Variants in BMP8A observed in about 807,000 individuals in gnomAD.
The protein encoded by BMP8A is bone morphogenetic protein 8a.
Under a neutral mutation model 36.8 loss-of-function variants are expected in BMP8A, and 14 were observed. The observed-to-expected ratio is 0.38, with a 90% CI of 0.25 to 0.60. BMP8A has a LOEUF of 0.60. Ranked by LOEUF, BMP8A falls within the 20% of genes least tolerant of loss-of-function variation. The probability of loss-of-function intolerance (pLI) is 0.63; values close to 1 mark genes in which losing one functional copy is unlikely to be tolerated. For synonymous variants in BMP8A, 120 were observed against 237.7 expected (o/e 0.50, Z 4.55); for missense variants, 267 against 551.1 (o/e 0.48, Z 5.16).
chr1:39,500,243 T>A (rs1472889336), intron 1 of BMP8A, among the ~76,000 whole-genome samples: 5 of 152,234 alleles, frequency 3.3e-5, no homozygotes, highest in Non-Finnish European at 4.4e-5. Context: ...TTTTTTCCCC[T>A]TACTTTCCAG....
chr1:39,501,048 G>A (rs1009346569), intron 1 of BMP8A, among the ~76,000 whole-genome samples: 1 of 152,210 alleles, frequency 6.6e-6, no homozygotes, highest in Non-Finnish European at 1.5e-5. Context: ...TTCAATTCAT[G>A]GCAGAAAGTG....
chr1:39,523,151 G>C, intron 6 of BMP8A, 34 bp downstream of exon 6: 1 of 1,609,302 alleles, frequency 6.2e-7, no homozygotes, highest in South Asian at 1.1e-5. Flanking sequence ...CAGCCCCCTG[G>C]GGTGGGAGGC....
chr1:39,507,968 C>T (rs1016563913), intron 1 of BMP8A, among the ~76,000 whole-genome samples: 1 of 152,184 alleles, frequency 6.6e-6, no homozygotes, highest in Non-Finnish European at 1.5e-5. Flanking sequence ...AAAAAGAAAA[C>T]TAGCCGGGTG....
chr1:39,492,973 A>G (rs1282841498), intron 1 of BMP8A, among the ~76,000 whole-genome samples: 2 of 152,176 alleles, frequency 1.3e-5, no homozygotes, highest in Admixed American at 6.5e-5. Flanking sequence ...AGCTGGACCC[A>G]CTGTGTTCTC....
chr1:39,528,664 G>A lies in BMP8A; in HGVS notation c.*2866G>A, dbSNP rs1028039365. On this transcript the variant is annotated 3_prime_UTR_variant, in exon 7 of 7. Coordinates refer to ENST00000331593, the MANE Select transcript of BMP8A (RefSeq NM_181809.4). Reference sequence around the variant, plus strand: ...CTGTGAAAAGGAGAGGGCAGGTTTTGGAGCCAAGTCGACCTGGCATCAGGT... The same window carrying A: ...CTGTGAAAAGGAGAGGGCAGGTTTTAGAGCCAAGTCGACCTGGCATCAGGT... Among the ~76,000 whole-genome samples the A allele has an allele frequency of 6.6e-6, 1 of 151,348 alleles. No homozygotes were observed. Among genetic ancestry groups the A allele is most frequent in the South Asian group, 2.1e-4 (1 of 4,784 alleles).
intron 1 of BMP8A, among the ~76,000 whole-genome samples, chr1:39,507,571 G>T (rs1276145224): frequency 1.3e-5 from 2 of 152,190 alleles, no homozygotes; most frequent in African/African-American, 4.8e-5. Context: ...GAACATGGGA[G>T]GAGATTGTAT....
rs529048091 is a variant in BMP8A, at chr1:39,526,352, T to C, written c.*554T>C. On this transcript the variant is annotated 3_prime_UTR_variant, in exon 7 of 7. Transcript: ENST00000331593. ...AAGCCACTGGGGATTTTTTTTTTTT[T>C]TTTCCAGATAGAGTCTCACTCTGTC... Among the ~76,000 whole-genome samples, 12 of 152,010 alleles carry C rather than the reference T, an allele frequency of 7.9e-5. No individual in the cohort carries two copies. The highest frequency in any genetic ancestry group is 2.9e-4 in the African/African-American group (12 of 41,462).
chr1:39,498,313 T>C (rs1468751046), intron 1 of BMP8A, among the ~76,000 whole-genome samples: 9 of 152,232 alleles, frequency 5.9e-5, no homozygotes, highest in African/African-American at 1.9e-4. Context: ...AGAGAGGATG[T>C]GTCACCATGA....
intron 6 of BMP8A, among the ~76,000 whole-genome samples, chr1:39,525,438 C>A (rs531820973): frequency 6.6e-6 from 1 of 152,154 alleles, no homozygotes; most frequent in Admixed American, 6.5e-5. Flanking sequence ...TGCCATGTAT[C>A]CCTCCCTGGG....
At chr1:39,523,284 T>C (rs866686105) in intron 6 of BMP8A, among the ~76,000 whole-genome samples, 167 bp downstream of exon 6, 7 of 152,250 alleles carry the variant, frequency 4.6e-5, no homozygotes, top group Non-Finnish European at 7.4e-5. Context: ...CTGCAGGAAC[T>C]GGTCCTCATA....
chr1:39,505,135 T>C (rs1645290546), intron 1 of BMP8A, among the ~76,000 whole-genome samples: 1 of 152,164 alleles, frequency 6.6e-6, no homozygotes, highest in Non-Finnish European at 1.5e-5. Flanking sequence ...TCCTTCCTCT[T>C]TCACTAGTCC....
intron 1 of BMP8A, among the ~76,000 whole-genome samples, 159 bp downstream of exon 1, chr1:39,492,484 G>C (rs1429658225): frequency 6.6e-6 from 1 of 152,214 alleles, no homozygotes; most frequent in Non-Finnish European, 1.5e-5. Context: ...GAAGGTCTAA[G>C]GGTCATGGGG....
Position 39,528,554 on chromosome 1 carries a change from G to A in BMP8A, c.*2756G>A, listed in dbSNP as rs1454759638. 6.6e-6 allele frequency among the ~76,000 whole-genome samples: 1 copy of A among 152,202 alleles called. No individual in the cohort carries two copies. Among genetic ancestry groups the A allele is most frequent in the Non-Finnish European group, 1.5e-5 (1 of 68,040 alleles). On this transcript the variant is annotated 3_prime_UTR_variant, in exon 7 of 7. Coordinates refer to ENST00000331593, the MANE Select transcript of BMP8A (RefSeq NM_181809.4). The stretch of plus-strand genomic sequence containing the variant: ...GTGCTGGCCCTAATGCCAGGTGAGC[G>A]TGCAAAGTCCTGTTTCTTTGTCTTT...
chr1:39,509,399 T>C (rs1645331140), intron 1 of BMP8A, among the ~76,000 whole-genome samples: 1 of 152,118 alleles, frequency 6.6e-6, no homozygotes. Context: ...TGTGTAGATA[T>C]TCATGGTAGG....
chr1:39,524,118 G>A lies in BMP8A; in HGVS notation c.1059+1001G>A, dbSNP rs1645458799. The stretch of plus-strand genomic sequence containing the variant: ...GTCAAATGGTGTTTGCTGGACACCT[G>A]GAGCCATCTCCTTGGAAAGGCCCAG... On this transcript the variant is annotated intron_variant, in intron 6 of 6. Coordinates refer to ENST00000331593, the MANE Select transcript of BMP8A (RefSeq NM_181809.4). This position sits in a 1 kb window ranked among gnomAD's most constrained non-coding sequence, Gnocchi z 4.0. 6.6e-6 allele frequency among the ~76,000 whole-genome samples: 1 copy of A among 152,186 alleles called. No homozygotes were observed. Among genetic ancestry groups the A allele is most frequent in the African/African-American group, 2.4e-5 (1 of 41,440 alleles).
intron 3 of BMP8A, chr1:39,515,566 G>A (rs1156980757): frequency 7.1e-7 from 1 of 1,408,764 alleles, no homozygotes; most frequent in South Asian, 1.2e-5. Context: ...CGCGCCATCC[G>A]GGCAGACTTC....
In BMP8A at chr1:39,502,131, G is replaced by A. The variant is rs188230500; in HGVS notation, c.335-9043G>A. On this transcript the variant is annotated intron_variant, in intron 1 of 6. Coordinates refer to ENST00000331593, the MANE Select transcript of BMP8A (RefSeq NM_181809.4). ...CAGGCACTTGTAATCCCAGCTACTC[G>A]GGAGGCTGAGGCAGGAGAATCGCTT... Among the ~76,000 whole-genome samples, 390 of 151,812 alleles carry A rather than the reference G, an allele frequency of 2.6e-3. 3 individuals are homozygous for A. Among genetic ancestry groups the A allele is most frequent in the African/African-American group, 8.9e-3 (367 of 41,420 alleles).
chr1:39,501,939 C>G (rs1461024056), intron 1 of BMP8A, among the ~76,000 whole-genome samples: 2 of 152,132 alleles, frequency 1.3e-5, no homozygotes, highest in African/African-American at 4.8e-5. Flanking sequence ...AACATCACAT[C>G]TAAAGAAACC....
chr1:39,511,063 T>G lies in BMP8A; in HGVS notation c.335-111T>G, dbSNP rs1233427408. 21 of 1,506,010 alleles carry G rather than the reference T, an allele frequency of 1.4e-5. 1 individual carries two copies. The highest frequency in any genetic ancestry group is 9.9e-6 in the Non-Finnish European group (11 of 1,112,184). The allele number at this position is 1,506,010 out of a possible 1,614,324, so 93.3% of individuals were successfully genotyped here. On this transcript the variant is annotated intron_variant, in intron 1 of 6. Transcript: ENST00000331593. Reference sequence around the variant, plus strand: ...CCGGCCCCACCCAGGCCTCCCTGGGTCCGCTCCACCTTGAGTGGTGGGTGT... The same window carrying G: ...CCGGCCCCACCCAGGCCTCCCTGGGGCCGCTCCACCTTGAGTGGTGGGTGT...
Sources: gnomAD v4.1 joint callset for allele counts (sites outside exome capture counted in the v4.1 genomes callset) on GRCh38, gnomAD v4.1.1 for gene constraint, Gnocchi (gnomAD v3.1) non-coding constraint, MANE v1.5 for transcripts, NCBI Gene and HGNC (gene_info 2026-07-23, HGNC 2026-07-21) for gene names.